VAMP4: variants seen among roughly 807,000 people sequenced by gnomAD.
VAMP4 encodes vesicle-associated membrane protein 4.
A neutral mutation model predicts 23.5 loss-of-function variants in VAMP4; 19 were observed. That is an observed-to-expected ratio of 0.81 (90% confidence interval 0.56 to 1.19). The LOEUF (loss-of-function observed/expected upper bound fraction) is 1.19, where lower values mean the gene tolerates loss of function less well. VAMP4 is among the 50% of genes most tolerant of loss of function. The probability of loss-of-function intolerance (pLI) is 0.00; values close to 1 mark genes in which losing one functional copy is unlikely to be tolerated. For synonymous variants in VAMP4, 31 were observed against 51.0 expected, an observed-to-expected ratio of 0.61 and a Z score of 1.67; for missense variants, 145 against 168.6, an observed-to-expected ratio of 0.86 and a Z score of 0.78.
intron 4 of VAMP4, among the ~76,000 whole-genome samples, chr1:171,717,270 G>A (rs1270530678): frequency 1.3e-5 from 2 of 152,168 alleles, no homozygotes; most frequent in African/African-American, 4.8e-5. Context: ...GAGAACATGT[G>A]AGTGGATAAA....
At chr1:171,719,353 G>A (rs1655117917) in intron 3 of VAMP4, 132 bp from the exon 4 acceptor site, 3 of 673,494 alleles carry the variant, frequency 4.5e-6, no homozygotes, top group Non-Finnish European at 2.4e-6. Flanking sequence ...TTTATCATAA[G>A]GGACCACATT....
intron 2 of VAMP4, among the ~76,000 whole-genome samples, chr1:171,735,486 A>T (rs1655712760): frequency 6.6e-6 from 1 of 152,192 alleles, no homozygotes; most frequent in Non-Finnish European, 1.5e-5. Context: ...ACAAAGGCAG[A>T]TGTGACTTAG....
At chr1:171,711,083 T>C (rs1469013119) in intron 4 of VAMP4, among the ~76,000 whole-genome samples, 1 of 152,126 alleles carries the variant, frequency 6.6e-6, no homozygotes, top group Non-Finnish European at 1.5e-5. Flanking sequence ...GCAAGTTAAA[T>C]GTACTGTCAG....
chr1:171,714,944 A>G (rs942169742), intron 4 of VAMP4, among the ~76,000 whole-genome samples: 1 of 152,178 alleles, frequency 6.6e-6, no homozygotes, highest in African/African-American at 2.4e-5. Context: ...GCCTTGATGA[A>G]TTCAGCCTGG....
chr1:171,719,638 GA>G (rs1170856662), intron 3 of VAMP4, among the ~76,000 whole-genome samples: 2 of 152,046 alleles, frequency 1.3e-5, no homozygotes, highest in Non-Finnish European at 2.9e-5. Context: ...ATAATGAAAT[GA>G]GGAAACTACA....
intron 7 of VAMP4, among the ~76,000 whole-genome samples, chr1:171,706,160 T>G (rs1476299616): frequency 6.6e-6 from 1 of 152,086 alleles, no homozygotes; most frequent in Admixed American, 6.6e-5. Flanking sequence ...TCCATAAAAA[T>G]GTACATATAC....
intron 4 of VAMP4, among the ~76,000 whole-genome samples, chr1:171,712,171 T>C (rs1437988126): frequency 2.0e-5 from 3 of 152,124 alleles, no homozygotes; most frequent in Non-Finnish European, 4.4e-5. Flanking sequence ...TAAATGTATA[T>C]ATATTTAAAT....
chr1:171,725,695 A>ATT (rs879408944), intron 3 of VAMP4, among the ~76,000 whole-genome samples: 1 of 144,560 alleles, frequency 6.9e-6, no homozygotes, highest in Non-Finnish European at 1.5e-5. Flanking sequence ...GTTTCCATTA[A>ATT]TTTTTTTTTT....
At chr1:171,726,297 G>A (rs533465391) in intron 3 of VAMP4, among the ~76,000 whole-genome samples, 8 of 152,190 alleles carry the variant, frequency 5.3e-5, no homozygotes, top group Admixed American at 1.3e-4. Flanking sequence ...TGATCCGCCC[G>A]CCTCGGCCTC....
chr1:171,719,996 G>A (rs1377164841), intron 3 of VAMP4, among the ~76,000 whole-genome samples: 1 of 151,170 alleles, frequency 6.6e-6, no homozygotes, highest in East Asian at 1.9e-4. Context: ...TAAAGGAGGT[G>A]AAAAAATACA....
chr1:171,729,494 G>A (rs1418479039), intron 2 of VAMP4, among the ~76,000 whole-genome samples: 1 of 152,096 alleles, frequency 6.6e-6, no homozygotes, highest in Non-Finnish European at 1.5e-5. Flanking sequence ...TGCAACATGA[G>A]GTCAGGTGTG....
chr1:171,734,814 A>G (rs1472086679), intron 2 of VAMP4, among the ~76,000 whole-genome samples: 2 of 152,298 alleles, frequency 1.3e-5, no homozygotes, highest in Admixed American at 1.3e-4. Flanking sequence ...TGAAGAATAT[A>G]AGGAGAAAGT....
In VAMP4 at chr1:171,738,479, A is replaced by C. The variant is rs1281307897; in HGVS notation, c.-49-16T>G. On this transcript the variant is annotated splice_polypyrimidine_tract_variant and intron_variant, in intron 1 of 7. Transcript: ENST00000236192. ...TAGTCACCACCTTAAAGAGAAAATAAATTTCATCAGATTTGAGACTTTGGG... is the reference window on the plus strand; with the variant it reads ...TAGTCACCACCTTAAAGAGAAAATACATTTCATCAGATTTGAGACTTTGGG... The C allele has an allele frequency of 4.6e-6, 7 of 1,524,312 alleles. No homozygotes were observed. In the East Asian group the frequency reaches 1.6e-4, roughly 34 times the overall value. 94.4% of individuals were successfully genotyped at this position (1,524,312 alleles called of 1,614,324 possible).
intron 3 of VAMP4, among the ~76,000 whole-genome samples, chr1:171,727,479 T>C (rs1473415954): frequency 1.3e-5 from 2 of 152,188 alleles, no homozygotes; most frequent in East Asian, 3.8e-4. Context: ...CCATATGTAA[T>C]GACGAGGATA....
chr1:171,712,594 AC>A (rs771366588), intron 4 of VAMP4, among the ~76,000 whole-genome samples: 1 of 152,116 alleles, frequency 6.6e-6, no homozygotes, highest in Non-Finnish European at 1.5e-5. Context: ...ACATTATTCC[AC>A]TGGAGGATAT....
intron 5 of VAMP4, among the ~76,000 whole-genome samples, chr1:171,710,258 T>C (rs1024229569): frequency 5.3e-5 from 8 of 151,714 alleles, no homozygotes; most frequent in African/African-American, 1.9e-4. Context: ...AATATTTGAG[T>C]GGCAAGTACG....
Position 171,706,423 on chromosome 1 carries a change from A to C in VAMP4, c.346-5T>G, listed in dbSNP as rs747821661. On this transcript the variant is annotated splice_region_variant and splice_polypyrimidine_tract_variant and intron_variant, in intron 6 of 7. Coordinates refer to ENST00000236192, the MANE Select transcript of VAMP4 (RefSeq NM_003762.5). Reference sequence around the variant, plus strand: ...CAAAGCCATGATGGCTTTTATCTACAACACACAAAAGGGCATATATATTAA... The same window carrying C: ...CAAAGCCATGATGGCTTTTATCTACCACACACAAAAGGGCATATATATTAA... The C allele has an allele frequency of 3.7e-5, 60 of 1,606,598 alleles. No individual in the cohort carries two copies. The highest frequency in any genetic ancestry group is 1.1e-5 in the South Asian group (1 of 89,772).
intron 3 of VAMP4, among the ~76,000 whole-genome samples, chr1:171,720,250 C>G (rs963134382): frequency 1.3e-5 from 2 of 151,668 alleles, no homozygotes; most frequent in Admixed American, 6.6e-5. Context: ...TAGGCAAGAA[C>G]TTACAAGAGC....
chr1:171,731,608 G>A (rs2124865881), intron 2 of VAMP4, among the ~76,000 whole-genome samples: 1 of 152,280 alleles, frequency 6.6e-6, no homozygotes, highest in African/African-American at 2.4e-5. Flanking sequence ...ATTCATTGCT[G>A]CAGGACTAGA....
Sources: gnomAD v4.1 joint callset for allele counts (sites outside exome capture counted in the v4.1 genomes callset) on GRCh38, gnomAD v4.1.1 for gene constraint, MANE v1.5 for transcripts, NCBI Gene and HGNC (gene_info 2026-07-23, HGNC 2026-07-21) for gene names.